RGS5: variants seen among roughly 807,000 people sequenced by gnomAD.
The protein encoded by RGS5 is regulator of G protein signaling 5.
RGS5 carries 20 observed loss-of-function variants against 18.9 expected under a neutral mutation model. The observed-to-expected ratio is 1.06, with a 90% confidence interval of 0.74 to 1.54. The LOEUF is 1.54. RGS5 is among the 40% of genes most tolerant of loss of function. The pLI, the probability that RGS5 is intolerant of heterozygous loss-of-function variation, is 0.00. For synonymous variants in RGS5, 57 were observed against 76.2 expected, an observed-to-expected ratio of 0.75 and a Z score of 1.31; for missense variants, 201 against 211.8, an observed-to-expected ratio of 0.95 and a Z score of 0.32.
rs1451395725 is a variant in RGS5, at chr1:163,144,885, T to C, written c.*2457A>G. The C allele has an allele frequency of 1.3e-5, 2 of 152,504 alleles. No individual in the cohort carries two copies. Among genetic ancestry groups the C allele is most frequent in the Non-Finnish European group, 2.9e-5 (2 of 68,026 alleles). The allele number at this position is 152,504 out of a possible 1,614,324, so 9.4% of individuals were successfully genotyped here. On this transcript the variant is annotated 3_prime_UTR_variant, in exon 5 of 5. Transcript: ENST00000313961. ...TTCTCATTTGGGGCTGGAATATTTG[T>C]ATTCTTTTTAATTTTTTTACTTCAT... is the stretch of plus-strand genomic sequence containing the variant.
chr1:163,310,405 T>G (rs1293170023), intron 1 of RGS5, among the ~76,000 whole-genome samples: 5 of 150,178 alleles, frequency 3.3e-5, no homozygotes, highest in African/African-American at 1.2e-4. Flanking sequence ...AAACCCCATC[T>G]CTACTAAAAA....
At chr1:163,152,402 C>A in intron 4 of RGS5, 148 bp downstream of exon 4, 1 of 766,336 alleles carries the variant, frequency 1.3e-6, no homozygotes, top group Non-Finnish European at 2.1e-6. Flanking sequence ...GTTGCTCTGC[C>A]TTTGTACTCA....
chr1:163,199,962 T>C (rs1273254758), intron 1 of RGS5, among the ~76,000 whole-genome samples: 1 of 152,120 alleles, frequency 6.6e-6, no homozygotes, highest in African/African-American at 2.4e-5. Flanking sequence ...TGAGCCACCA[T>C]GCCCCACCTG....
intron 2 of RGS5, among the ~76,000 whole-genome samples, chr1:163,284,459 CTTT>C (rs550602265): frequency 3.3e-5 from 5 of 152,010 alleles, no homozygotes; most frequent in African/African-American, 1.2e-4. Context: ...ATTTAAATAT[CTTT>C]TTTTTCTTAC....
chr1:163,247,209 T>G (rs1356207307), intron 2 of RGS5, among the ~76,000 whole-genome samples: 1 of 152,186 alleles, frequency 6.6e-6, no homozygotes, highest in Non-Finnish European at 1.5e-5. Flanking sequence ...GTAACAAATC[T>G]GCACATGTTC....
intron 2 of RGS5, among the ~76,000 whole-genome samples, chr1:163,296,601 T>A (rs11578660): frequency 0.21 from 32,397 of 152,086 alleles, 3,687 homozygotes; most frequent in African/African-American, 0.3. Context: ...AGGCAAACAT[T>A]TAGAAACCTT....
chr1:163,181,369 C>T (rs1658840411), intron 1 of RGS5, among the ~76,000 whole-genome samples: 1 of 152,160 alleles, frequency 6.6e-6, no homozygotes, highest in African/African-American at 2.4e-5. Flanking sequence ...AAGTCTCACT[C>T]TTTTCTTGAA....
intron 1 of RGS5, among the ~76,000 whole-genome samples, chr1:163,193,942 C>G (rs918622056): frequency 6.6e-6 from 1 of 152,162 alleles, no homozygotes; most frequent in Non-Finnish European, 1.5e-5. Context: ...TAAATGTAGT[C>G]AGTGGTGCCA....
chr1:163,173,593 T>C (rs921276484), intron 1 of RGS5, among the ~76,000 whole-genome samples: 2 of 152,152 alleles, frequency 1.3e-5, no homozygotes, highest in Admixed American at 6.5e-5. Flanking sequence ...TTTTGAGAAA[T>C]ACAATTATAT....
intron 2 of RGS5, among the ~76,000 whole-genome samples, chr1:163,274,395 T>C (rs554026944): frequency 8.7e-5 from 12 of 138,628 alleles, no homozygotes; most frequent in African/African-American, 2.7e-4. Context: ...GCCAAAAGGG[T>C]AGCAGACCCC....
intron 1 of RGS5, among the ~76,000 whole-genome samples, chr1:163,169,495 C>T (rs1261883124): frequency 1.3e-5 from 2 of 152,094 alleles, no homozygotes; most frequent in Admixed American, 6.5e-5. Flanking sequence ...TAAAAGTGTT[C>T]CTATTTCTCC....
At chr1:163,174,873 G>A (rs1291791490) in intron 1 of RGS5, among the ~76,000 whole-genome samples, 1 of 152,172 alleles carries the variant, frequency 6.6e-6, no homozygotes, top group Non-Finnish European at 1.5e-5. Flanking sequence ...AAGAAGAGAG[G>A]GAGGAGAGTT....
chr1:163,298,632 G>C (rs1287343466), intron 2 of RGS5, among the ~76,000 whole-genome samples: 1 of 152,134 alleles, frequency 6.6e-6, no homozygotes. Flanking sequence ...AGAAGAAGAG[G>C]TAATGGATAG....
chr1:163,204,570 G>C (rs1299632188), upstream of RGS5, among the ~76,000 whole-genome samples: 2 of 152,108 alleles, frequency 1.3e-5, no homozygotes, highest in Non-Finnish European at 2.9e-5. Context: ...GGCTGGTCTT[G>C]AACTCTTTGC....
intron 2 of RGS5, among the ~76,000 whole-genome samples, chr1:163,252,977 T>C (rs1244489819): frequency 6.6e-6 from 1 of 152,178 alleles, no homozygotes; most frequent in African/African-American, 2.4e-5. Flanking sequence ...CAGTATTCTA[T>C]CCAGTTGCAG....
intron 2 of RGS5, among the ~76,000 whole-genome samples, chr1:163,228,889 T>A (rs1404563677): frequency 6.6e-6 from 1 of 152,184 alleles, no homozygotes; most frequent in African/African-American, 2.4e-5. Flanking sequence ...CCCAAGAAGT[T>A]CCTCATTTCC....
intron 2 of RGS5, among the ~76,000 whole-genome samples, chr1:163,162,314 A>G (rs1369956707): frequency 1.3e-5 from 2 of 152,150 alleles, no homozygotes; most frequent in Non-Finnish European, 2.9e-5. Flanking sequence ...TTCCAAATAT[A>G]ACTTCATGAA....
chr1:163,263,818 C>T (rs993561579), intron 2 of RGS5, among the ~76,000 whole-genome samples: 1 of 151,146 alleles, frequency 6.6e-6, no homozygotes, highest in African/African-American at 2.4e-5. Flanking sequence ...AACAATAAGA[C>T]CTGAACCATC....
intron 1 of RGS5, among the ~76,000 whole-genome samples, chr1:163,208,518 T>TAAAA (rs55700806): frequency 0.09 from 1,291 of 14,408 alleles, 410 homozygotes; most frequent in East Asian, 0.31. Flanking sequence ...CCACCTCCAT[T>TAAAA]AAAAAAAAAA....
Sources: gnomAD v4.1 joint callset for allele counts (sites outside exome capture counted in the v4.1 genomes callset) on GRCh38, gnomAD v4.1.1 for gene constraint, MANE v1.5 for transcripts, NCBI Gene and HGNC (gene_info 2026-07-23, HGNC 2026-07-21) for gene names.